ZNF536: variants seen among roughly 807,000 people sequenced by gnomAD.
ZNF536 encodes the protein zinc finger protein 536.
In ZNF536, 13 loss-of-function variants were observed where a neutral mutation model predicts 84.5. The observed-to-expected ratio is 0.15, with a 90% confidence interval of 0.10 to 0.24. The LOEUF is 0.24. Ranked by LOEUF, ZNF536 falls within the 10% of genes least tolerant of loss-of-function variation. ZNF536 has a pLI of 1.00. For missense variants in ZNF536, 1,536 were observed against 1,747.5 expected (o/e 0.88, Z 2.16); for synonymous variants, 811 against 742.5 (o/e 1.09, Z -1.50).
intron 1 of ZNF536, among the ~76,000 whole-genome samples, chr19:30,379,807 G>A (rs1032481524): frequency 1.3e-5 from 2 of 152,092 alleles, no homozygotes; most frequent in African/African-American, 4.8e-5. Flanking sequence ...AGCCACCAAG[G>A]CATGCCTGGG....
intron 1 of ZNF536, among the ~76,000 whole-genome samples, chr19:30,619,296 A>G (rs2048402340): frequency 6.6e-6 from 1 of 151,966 alleles, no homozygotes; most frequent in South Asian, 2.1e-4. Flanking sequence ...TGAACTTCAG[A>G]TACTAATTTT....
intron 1 of ZNF536, among the ~76,000 whole-genome samples, chr19:30,589,255 T>C (rs2047198783): frequency 6.6e-6 from 1 of 152,196 alleles, no homozygotes; most frequent in South Asian, 2.1e-4. Context: ...GAAGAAAGGC[T>C]CTGCATTGCC....
At chr19:30,677,712 G>C (rs2050803075) in intron 1 of ZNF536, among the ~76,000 whole-genome samples, 1 of 152,218 alleles carries the variant, frequency 6.6e-6, no homozygotes, top group South Asian at 2.1e-4. Context: ...CAATGACTTT[G>C]ATCTTTTGCG....
intron 2 of ZNF536, among the ~76,000 whole-genome samples, chr19:30,531,814 A>G (rs2044837092): frequency 1.3e-5 from 2 of 151,912 alleles, no homozygotes; most frequent in Non-Finnish European, 2.9e-5. Flanking sequence ...TAGTTTTGCC[A>G]TGGTTTTGCC....
intron 1 of ZNF536, among the ~76,000 whole-genome samples, chr19:30,687,697 G>T (rs2051245250): frequency 1.3e-5 from 2 of 152,160 alleles, no homozygotes; most frequent in African/African-American, 2.4e-5. Flanking sequence ...CAAATTTTCA[G>T]CAAAGAAAGG....
At chr19:30,375,313 G>A (rs2048771605) in intron 1 of ZNF536, among the ~76,000 whole-genome samples, 1 of 151,472 alleles carries the variant, frequency 6.6e-6, no homozygotes, top group Non-Finnish European at 1.5e-5. Context: ...ACCTTACGGA[G>A]GGGAGATAAT....
intron 1 of ZNF536, among the ~76,000 whole-genome samples, chr19:30,278,045 T>A (rs901201084): frequency 6.6e-6 from 1 of 152,168 alleles, no homozygotes; most frequent in African/African-American, 2.4e-5. Flanking sequence ...TGGGACCCGA[T>A]GTTTTGAAAT....
rs144479875 is a variant in ZNF536, at chr19:30,320,088, G to A, written c.-119-32280G>A. 1.0e-3 allele frequency among the ~76,000 whole-genome samples: 155 copies of A among 152,254 alleles called. 1 individual carries two copies. The highest frequency in any genetic ancestry group is 3.7e-3 in the African/African-American group (152 of 41,562). ...CATCAGTGTTACTGGCAATCCCCATGTTCTGACATCTGTTCCTCTCTAAAC... is the reference window on the plus strand; with the variant it reads ...CATCAGTGTTACTGGCAATCCCCATATTCTGACATCTGTTCCTCTCTAAAC... On this transcript the variant is annotated intron_variant, in intron 2 of 5. Coordinates refer to the ZNF536 transcript ENST00000585628.
chr19:30,242,476 A>G (rs1002319662), intron 1 of ZNF536, among the ~76,000 whole-genome samples: 9 of 152,316 alleles, frequency 5.9e-5, no homozygotes, highest in Middle Eastern at 3.4e-3. Flanking sequence ...CATGAGTGTC[A>G]CAACAGTATT....
chr19:30,429,880 T>G (rs576938580), intron 1 of ZNF536, among the ~76,000 whole-genome samples: 1 of 152,260 alleles, frequency 6.6e-6, no homozygotes, highest in East Asian at 1.9e-4. Context: ...GGAATCCAAA[T>G]TAGTTCAACC....
chr19:30,497,869 ACCCT>A (rs1247982038), intron 2 of ZNF536, among the ~76,000 whole-genome samples: 1 of 152,040 alleles, frequency 6.6e-6, no homozygotes, highest in Non-Finnish European at 1.5e-5. Context: ...TTCCAGAGAC[ACCCT>A]CAGAAGCCTC....
chr19:30,262,416 T>C (rs919142473), intron 1 of ZNF536, among the ~76,000 whole-genome samples: 2 of 152,260 alleles, frequency 1.3e-5, no homozygotes, highest in African/African-American at 4.8e-5. Flanking sequence ...GGGCTTGTGC[T>C]GACTCAGAGG....
intron 2 of ZNF536, among the ~76,000 whole-genome samples, chr19:30,315,425 G>A (rs1375552762): frequency 6.6e-6 from 1 of 152,166 alleles, no homozygotes; most frequent in African/African-American, 2.4e-5. Context: ...GGTAAGAAAA[G>A]GAAGGAAGGA....
At chr19:30,564,335 A>C (rs1362934686) in intron 1 of ZNF536, among the ~76,000 whole-genome samples, 1 of 152,092 alleles carries the variant, frequency 6.6e-6, no homozygotes. Flanking sequence ...GTAAGAGAGA[A>C]AACAAGTAAG....
At chr19:30,686,644 C>T (rs1188649632) in intron 1 of ZNF536, among the ~76,000 whole-genome samples, 1 of 152,144 alleles carries the variant, frequency 6.6e-6, no homozygotes, top group Admixed American at 6.5e-5. Flanking sequence ...GGAAGGAGCC[C>T]GCCGGCTCCC....
At chr19:30,510,512 T>C (rs1210101940) in intron 2 of ZNF536, among the ~76,000 whole-genome samples, 5 of 152,174 alleles carry the variant, frequency 3.3e-5, no homozygotes, top group Admixed American at 6.5e-5. Context: ...TTGTGGCAGA[T>C]TGGGCAGTGA....
At chr19:30,427,992 G>C (rs536352694) in intron 1 of ZNF536, among the ~76,000 whole-genome samples, 1 of 152,188 alleles carries the variant, frequency 6.6e-6, no homozygotes, top group African/African-American at 2.4e-5. Context: ...TTGTGGTCAC[G>C]AGCCAAATTT....
Position 30,444,900 on chromosome 19 carries a change from G to T in ZNF536, c.1338G>T (p.Leu446=). The T allele has an allele frequency of 6.2e-7, 1 of 1,611,426 alleles. No individual in the cohort carries two copies. Among genetic ancestry groups the T allele is most frequent in the Non-Finnish European group, 8.5e-7 (1 of 1,178,948 alleles). ...SGFMTPDKAG[L]SEPSQLYGKG... is the part of the protein sequence containing the mutation. ...TCATGACCCCGGACAAAGCCGGCCT[G>T]AGCGAGCCCAGCCAGCTCTATGGCA... Residue 446 remains leucine (L), a synonymous_variant, in exon 2 of 5, where the codon CTG becomes CTT. Coordinates refer to ENST00000355537, the MANE Select transcript of ZNF536 (RefSeq NM_014717.3).
chr19:30,386,145 C>T (rs1008093690), intron 1 of ZNF536, among the ~76,000 whole-genome samples: 11 of 152,208 alleles, frequency 7.2e-5, no homozygotes, highest in South Asian at 2.1e-4. Context: ...CCTTTGCCTA[C>T]GCTGTCTTAG....
Sources: allele counts gnomAD v4.1 joint callset (sites outside exome capture counted in the v4.1 genomes callset), GRCh38; gene constraint gnomAD v4.1.1; transcripts MANE v1.5; gene names NCBI Gene and HGNC (gene_info 2026-07-23, HGNC 2026-07-21).